TRHDE: variants seen among roughly 807,000 people sequenced by gnomAD.
The protein encoded by TRHDE is thyrotropin releasing hormone degrading enzyme, also known as thyrotropin-releasing hormone-degrading ectoenzyme.
A neutral mutation model predicts 125.7 loss-of-function variants in TRHDE; 72 were observed. The ratio of observed to expected loss-of-function variants is 0.57; its 90% CI spans 0.47 to 0.70. The LOEUF (loss-of-function observed/expected upper bound fraction) is 0.70, where lower values mean the gene tolerates loss of function less well. Among genes scored for constraint, TRHDE ranks in the 30% least tolerant of loss-of-function variants. The probability of loss-of-function intolerance (pLI) is 0.00; values close to 1 mark genes in which losing one functional copy is unlikely to be tolerated. For missense variants in TRHDE, 1,110 were observed against 1,327.1 expected (o/e 0.84, Z 2.54); for synonymous variants, 509 against 509.1 (o/e 1.00, Z 0.00).
Position 72,663,866 on chromosome 12 carries a change from G to GCATATGTATATGTACATAGGGAAGCCC in TRHDE, c.*683_*709dup, listed in dbSNP as rs1478663417. The stretch of plus-strand genomic sequence containing the variant: ...TTTAAAAGGCATATAGATAGTGTAT[G>GCATATGTATATGTACATAGGGAAGCCC]CATATGTATATGTACATAGGGAAGC... On this transcript the variant is annotated 3_prime_UTR_variant, in exon 19 of 19. Coordinates refer to ENST00000261180, the MANE Select transcript of TRHDE (RefSeq NM_013381.3). The GCATATGTATATGTACATAGGGAAGCCC allele has an allele frequency of 1.7e-4, 26 of 152,054 alleles. No individual in the cohort carries two copies. Among genetic ancestry groups the GCATATGTATATGTACATAGGGAAGCCC allele is most frequent in the African/African-American group, 6.3e-4 (26 of 41,430 alleles). 9.4% of individuals were successfully genotyped at this position (152,054 alleles called of 1,614,324 possible).
At chr12:72,620,537 A>T (rs1469260673) in intron 13 of TRHDE, among the ~76,000 whole-genome samples, 1 of 151,876 alleles carries the variant, frequency 6.6e-6, no homozygotes, top group African/African-American at 2.4e-5. Context: ...AAAACAAAAA[A>T]TAGTGAGGGA....
Position 72,639,858 on chromosome 12 carries a change from G to A in TRHDE, c.2676-12464G>A, listed in dbSNP as rs564900569. Among the ~76,000 whole-genome samples, 196 of 152,282 alleles carry A rather than the reference G, an allele frequency of 1.3e-3. 2 individuals are homozygous for A. Among genetic ancestry groups the A allele is most frequent in the African/African-American group, 3.9e-3 (161 of 41,560 alleles). On this transcript the variant is annotated intron_variant, in intron 15 of 18. Transcript: ENST00000261180. ...ACCCACTTGAGGAGGCAGTCTGCCCGTTCTCAGATCTCCAGCTGCGTGCTG... is the reference window on the plus strand; with the variant it reads ...ACCCACTTGAGGAGGCAGTCTGCCCATTCTCAGATCTCCAGCTGCGTGCTG...
chr12:72,634,677 G>GA (rs939768129), intron 15 of TRHDE, among the ~76,000 whole-genome samples: 1 of 101,132 alleles, frequency 9.9e-6, no homozygotes, highest in Non-Finnish European at 1.9e-5. Flanking sequence ...ACAGTCCCCA[G>GA]AGTGTGATGT....
At chr12:72,362,909 G>A (rs1871168798) in intron 2 of TRHDE, among the ~76,000 whole-genome samples, 1 of 151,964 alleles carries the variant, frequency 6.6e-6, no homozygotes, top group Non-Finnish European at 1.5e-5. Flanking sequence ...GCTCTGTTCT[G>A]TTCCATTGAT....
chr12:72,204,568 A>C (rs1033776938), intron 2 of TRHDE, among the ~76,000 whole-genome samples: 1 of 152,172 alleles, frequency 6.6e-6, no homozygotes, highest in Non-Finnish European at 1.5e-5. Flanking sequence ...TTGATTAATT[A>C]TTTCCAGCTG....
intron 12 of TRHDE, among the ~76,000 whole-genome samples, chr12:72,603,013 T>A (rs920829587): frequency 1.3e-5 from 2 of 152,060 alleles, no homozygotes; most frequent in African/African-American, 4.8e-5. Flanking sequence ...ACAACAGAAC[T>A]ATAACACCAA....
At chr12:72,088,461 G>T (rs1874717824) in intron 1 of TRHDE, among the ~76,000 whole-genome samples, 1 of 151,978 alleles carries the variant, frequency 6.6e-6, no homozygotes, top group South Asian at 2.1e-4. Context: ...AATATTTTTA[G>T]AGGAAAGATG....
chr12:72,640,491 G>A lies in TRHDE; in HGVS notation c.2676-11831G>A, dbSNP rs190289808. On this transcript the variant is annotated intron_variant, in intron 15 of 18. Transcript: ENST00000261180. ...TGCATCGCTCACACTGGGAGCTGTA[G>A]ACCGGAGCTGTTCCTATTCGGCCAT... Among the ~76,000 whole-genome samples the A allele has an allele frequency of 1.0e-3, 159 of 152,342 alleles. 1 individual carries two copies. Among genetic ancestry groups the A allele is most frequent in the African/African-American group, 3.7e-3 (153 of 41,592 alleles).
At chr12:72,607,458 T>C (rs1872492513) in intron 12 of TRHDE, among the ~76,000 whole-genome samples, 2 of 152,190 alleles carry the variant, frequency 1.3e-5, no homozygotes, top group Admixed American at 6.5e-5. Context: ...GAAAATGGAA[T>C]AGTTTTTCAA....
At chr12:72,517,623 G>T (rs1159600243) in intron 6 of TRHDE, among the ~76,000 whole-genome samples, 7 of 152,104 alleles carry the variant, frequency 4.6e-5, no homozygotes, top group Admixed American at 1.3e-4. Context: ...TTTTTGAAGG[G>T]TTTTTTGTGT....
chr12:72,211,334 T>G (rs1461978181), intron 2 of TRHDE, among the ~76,000 whole-genome samples: 1 of 152,158 alleles, frequency 6.6e-6, no homozygotes, highest in African/African-American at 2.4e-5. Flanking sequence ...ATGTAACAGA[T>G]GGAAAAATAT....
rs1438892803 is a variant in TRHDE at position 72,425,233 on chromosome 12, C to T, written c.1316-44525C>T. Reference sequence around the variant, plus strand: ...GGCCAGCAAAACCCTCAATGATTTTCCTTGGAAAACTATAGCGGATTGGTT... The same window carrying T: ...GGCCAGCAAAACCCTCAATGATTTTTCTTGGAAAACTATAGCGGATTGGTT... On this transcript the variant is annotated intron_variant, in intron 3 of 18. Coordinates refer to ENST00000261180, the MANE Select transcript of TRHDE (RefSeq NM_013381.3). 2.0e-5 allele frequency among the ~76,000 whole-genome samples: 3 copies of T among 152,092 alleles called. No individual in the cohort carries two copies. In the East Asian group the frequency reaches 5.8e-4, roughly 29 times the overall value.
intron 6 of TRHDE, among the ~76,000 whole-genome samples, chr12:72,521,586 G>A (rs117821333): frequency 6.6e-6 from 1 of 152,310 alleles, no homozygotes; most frequent in East Asian, 1.9e-4. Context: ...TTAGCTCAGT[G>A]CCATAAAAAT....
At chr12:72,390,499 G>T (rs1049524765) in intron 3 of TRHDE, among the ~76,000 whole-genome samples, 21 of 152,146 alleles carry the variant, frequency 1.4e-4, no homozygotes, top group African/African-American at 5.1e-4. Flanking sequence ...AGATCAGAAG[G>T]TTTTTCAAAA....
chr12:72,606,979 A>G (rs1592568634), intron 12 of TRHDE, among the ~76,000 whole-genome samples: 2 of 152,168 alleles, frequency 1.3e-5, no homozygotes, highest in African/African-American at 2.4e-5. Flanking sequence ...GAAGCGTTCA[A>G]ATTTCCAATG....
chr12:72,111,939 G>A (rs1224416674), intron 2 of TRHDE, among the ~76,000 whole-genome samples: 1 of 151,902 alleles, frequency 6.6e-6, no homozygotes, highest in Non-Finnish European at 1.5e-5. Flanking sequence ...CGTTGCAGCT[G>A]TTCAGTATTA....
intron 6 of TRHDE, among the ~76,000 whole-genome samples, chr12:72,532,316 AC>A (rs1868596966): frequency 6.6e-6 from 1 of 151,102 alleles, no homozygotes; most frequent in Non-Finnish European, 1.5e-5. Context: ...TCTTTGCTAT[AC>A]TCTTTTATTG....
chr12:72,380,933 A>G (rs754597992), intron 3 of TRHDE, among the ~76,000 whole-genome samples: 1 of 147,018 alleles, frequency 6.8e-6, no homozygotes, highest in South Asian at 2.1e-4. Flanking sequence ...ATGGAAATCT[A>G]TGGGTCCATT....
At chr12:72,550,495 G>A (rs1394061135) in intron 7 of TRHDE, among the ~76,000 whole-genome samples, 2 of 151,722 alleles carry the variant, frequency 1.3e-5, no homozygotes, top group East Asian at 3.9e-4. Context: ...TATATATTTG[G>A]AAAGGTTACA....
Sources: gnomAD v4.1 joint callset for allele counts (sites outside exome capture counted in the v4.1 genomes callset) on GRCh38, gnomAD v4.1.1 for gene constraint, MANE v1.5 for transcripts, NCBI Gene and HGNC (gene_info 2026-07-23, HGNC 2026-07-21) for gene names.